DDI2: variants seen among roughly 807,000 people sequenced by gnomAD.
The protein encoded by DDI2 is protein DDI1 homolog 2.
A neutral mutation model predicts 48.1 loss-of-function variants in DDI2; 5 were observed. That is an observed-to-expected ratio of 0.10 (90% confidence interval 0.05 to 0.22). The LOEUF is 0.22. Among genes scored for constraint, DDI2 ranks in the 10% least tolerant of loss-of-function variants. The probability of loss-of-function intolerance (pLI) is 1.00; values close to 1 mark genes in which losing one functional copy is unlikely to be tolerated. For synonymous variants in DDI2, 205 were observed against 183.6 expected (o/e 1.12, Z -0.94); for missense variants, 285 against 506.2 (o/e 0.56, Z 4.19).
Position 15,660,689 on chromosome 1 carries a change from ACATTGGTG to A in DDI2, c.*906_*913del, listed in dbSNP as rs748149149. On this transcript the variant is annotated 3_prime_UTR_variant, in exon 10 of 10. Coordinates refer to ENST00000480945, the MANE Select transcript of DDI2 (RefSeq NM_032341.5). ...GGCAGGCAGAATGCCAATGTCAAGA[ACATTGGTG>A]CATTGGATCTCACTTTAGATAATCC... is the stretch of plus-strand genomic sequence containing the variant. The A allele has an allele frequency of 6.2e-7, 1 of 1,614,220 alleles. No individual in the cohort carries two copies. The highest frequency in any genetic ancestry group is 8.5e-7 in the Non-Finnish European group (1 of 1,180,040).
intron 1 of DDI2, among the ~76,000 whole-genome samples, chr1:15,621,047 G>A (rs1185622853): frequency 6.6e-6 from 1 of 152,116 alleles, no homozygotes; most frequent in African/African-American, 2.4e-5. Context: ...ACAATGCAGT[G>A]ATAACAAATT....
rs963313709 is a variant in DDI2 at position 15,663,439 on chromosome 1, G to A, written c.*3649G>A. The A allele has an allele frequency of 6.6e-6, 1 of 152,166 alleles. No individual in the cohort carries two copies. The highest frequency in any genetic ancestry group is 1.5e-5 in the Non-Finnish European group (1 of 68,042). The allele number at this position is 152,166 out of a possible 1,614,324, so 9.4% of individuals were successfully genotyped here. Reference sequence around the variant, plus strand: ...CTTTAGTGATGGGATGGCGTGTCACGTAGATTCATCATGATCCTTTATGTA... The same window carrying A: ...CTTTAGTGATGGGATGGCGTGTCACATAGATTCATCATGATCCTTTATGTA... On this transcript the variant is annotated 3_prime_UTR_variant, in exon 10 of 10. Transcript: ENST00000480945.
intron 9 of DDI2, among the ~76,000 whole-genome samples, chr1:15,658,406 T>G (rs1452514717): frequency 6.6e-6 from 1 of 151,750 alleles, no homozygotes; most frequent in African/African-American, 2.4e-5. Flanking sequence ...TGCCTCGGCC[T>G]CCCAAAGTGC....
chr1:15,644,876 A>AACC (rs1640065140), intron 6 of DDI2, among the ~76,000 whole-genome samples: 1 of 148,972 alleles, frequency 6.7e-6, no homozygotes, highest in Non-Finnish European at 1.5e-5. Flanking sequence ...TACAGGCGTG[A>AACC]GCCACCGCTC....
intron 1 of DDI2, among the ~76,000 whole-genome samples, chr1:15,624,214 T>C (rs2103461575): frequency 6.6e-6 from 1 of 152,336 alleles, no homozygotes; most frequent in East Asian, 1.9e-4. Context: ...TGTAAGAGCC[T>C]GCCTACCTGC....
chr1:15,656,911 C>G (rs1401871473), intron 9 of DDI2: 3 of 469,274 alleles, frequency 6.4e-6, no homozygotes, highest in Non-Finnish European at 1.1e-5. Context: ...GGGAGAAAAT[C>G]CCAGTTAAAA....
At chr1:15,651,666 T>C (rs1376467783) in intron 7 of DDI2, 40 bp from the exon 8 acceptor site, 3 of 1,550,516 alleles carry the variant, frequency 1.9e-6, no homozygotes, top group Non-Finnish European at 2.6e-6. Flanking sequence ...TTCTGCATGG[T>C]GTTTTATCTG....
chr1:15,656,546 C>T, intron 8 of DDI2, 71 bp from the exon 9 acceptor site: 8 of 1,613,738 alleles, frequency 5.0e-6, no homozygotes, highest in Non-Finnish European at 6.8e-6. Context: ...AGAACGGAAA[C>T]TATAACCCTG....
intron 2 of DDI2, among the ~76,000 whole-genome samples, chr1:15,629,950 T>G (rs1639816912): frequency 1.3e-5 from 2 of 152,126 alleles, no homozygotes; most frequent in South Asian, 4.1e-4. Flanking sequence ...CAGGCTGGTC[T>G]TGAACTTCTG....
rs2148313493 is a variant in DDI2 at position 15,667,871 on chromosome 1, AC to A, written c.*8082del. 1 of 152,340 alleles carries A rather than the reference AC, an allele frequency of 6.6e-6. No individual in the cohort carries two copies. The highest frequency in any genetic ancestry group is 2.1e-4 in the South Asian group (1 of 4,830). 9.4% of individuals were successfully genotyped at this position (152,340 alleles called of 1,614,324 possible). A position where few individuals can be genotyped will look rare whatever the true frequency, so the allele number is the denominator to read the frequency against. On this transcript the variant is annotated 3_prime_UTR_variant, in exon 10 of 10. Transcript: ENST00000480945. ...TGGAGGCTGTAGAATGTGAAAAGAT[AC>A]AGCTGAGCTGACAAGTTTTAGGGCA...
At chr1:15,630,229 G>C in intron 2 of DDI2, 96 bp from the exon 3 acceptor site, 1 of 1,117,404 alleles carries the variant, frequency 8.9e-7, no homozygotes, top group Non-Finnish European at 1.3e-6. Flanking sequence ...CTTTGCTGCT[G>C]TCATATACCA....
intron 1 of DDI2, among the ~76,000 whole-genome samples, chr1:15,622,253 AC>A (rs948283806): frequency 7.7e-4 from 114 of 148,162 alleles, no homozygotes; most frequent in African/African-American, 2.7e-3. Context: ...TGAACTCCTA[AC>A]CTCAAGCAGT....
intron 4 of DDI2, 65 bp from the exon 5 acceptor site, chr1:15,638,242 C>T (rs1181539688): frequency 3.1e-6 from 5 of 1,603,576 alleles, no homozygotes; most frequent in Non-Finnish European, 3.4e-6. Context: ...AATATTGTGA[C>T]TTTGAAACTG....
rs1325937662 is a variant in DDI2 at position 15,660,346 on chromosome 1, A to C, written c.*556A>C. On this transcript the variant is annotated 3_prime_UTR_variant, in exon 10 of 10. Transcript: ENST00000480945. ...TTGGCATCCAGAAAATCAGAACCTG[A>C]GTCAAGTGAGTGACCCTCAGCAGCA... The C allele has an allele frequency of 6.2e-7, 1 of 1,614,174 alleles. No individual in the cohort carries two copies. Among genetic ancestry groups the C allele is most frequent in the Admixed American group, 1.7e-5 (1 of 60,026 alleles).
intron 1 of DDI2, among the ~76,000 whole-genome samples, chr1:15,624,945 A>G (rs988615527): frequency 2.6e-5 from 4 of 151,946 alleles, no homozygotes; most frequent in Non-Finnish European, 4.4e-5. Flanking sequence ...ACTTAATAGT[A>G]TTTTTTTTCA....
At chr1:15,658,949 C>T (rs1640316422) in intron 9 of DDI2, among the ~76,000 whole-genome samples, 1 of 152,148 alleles carries the variant, frequency 6.6e-6, no homozygotes, top group Non-Finnish European at 1.5e-5. Context: ...AACCATCTCC[C>T]TCCACATTCC....
rs1640439381 is a variant in DDI2 at position 15,665,501 on chromosome 1, G to A, written c.*5711G>A. On this transcript the variant is annotated 3_prime_UTR_variant, in exon 10 of 10. Transcript: ENST00000480945. ...ACTGATTTTATGATAACCAGTTAAT[G>A]TGGAATCTGCTGGTTGTCTTACTAC... is the stretch of plus-strand genomic sequence containing the variant. The A allele has an allele frequency of 1.3e-5, 2 of 152,128 alleles. No individual in the cohort carries two copies. The highest frequency in any genetic ancestry group is 4.8e-5 in the African/African-American group (2 of 41,416). The allele number at this position is 152,128 out of a possible 1,614,324, so 9.4% of individuals were successfully genotyped here. A position where few individuals can be genotyped will look rare whatever the true frequency, so the allele number is the denominator to read the frequency against.
chr1:15,655,104 C>T (rs1640251902), intron 8 of DDI2, among the ~76,000 whole-genome samples: 1 of 151,912 alleles, frequency 6.6e-6, no homozygotes. Context: ...ACATATGTTT[C>T]CAGGCTTAGT....
rs1316865249 is a variant in DDI2 at position 15,668,581 on chromosome 1, C to T, written c.*8791C>T. On this transcript the variant is annotated 3_prime_UTR_variant, in exon 10 of 10. Transcript: ENST00000480945. Reference sequence around the variant, plus strand: ...TTACCAGTTTTGTAGCCATGTTTGGCAAATCTTAGCAACTAGAAACCCCGT... The same window carrying T: ...TTACCAGTTTTGTAGCCATGTTTGGTAAATCTTAGCAACTAGAAACCCCGT... 4 of 152,172 alleles carry T rather than the reference C, an allele frequency of 2.6e-5. No individual in the cohort carries two copies. Among genetic ancestry groups the T allele is most frequent in the Non-Finnish European group, 4.4e-5 (3 of 68,026 alleles). 9.4% of individuals were successfully genotyped at this position (152,172 alleles called of 1,614,324 possible).
Sources: allele counts gnomAD v4.1 joint callset (sites outside exome capture counted in the v4.1 genomes callset), GRCh38; gene constraint gnomAD v4.1.1; transcripts MANE v1.5; gene names NCBI Gene and HGNC (gene_info 2026-07-23, HGNC 2026-07-21).